Variants in DDC observed in about 807,000 individuals in gnomAD.
DDC encodes the protein aromatic-L-amino-acid decarboxylase.
Under a neutral mutation model 60.0 loss-of-function variants are expected in DDC, and 43 were observed. The observed-to-expected ratio is 0.72, with a 90% CI of 0.56 to 0.92. DDC has a LOEUF of 0.92. DDC is among the 40% of genes least tolerant of loss of function. DDC has a pLI of 0.00. For missense variants in DDC, 573 were observed against 620.2 expected (o/e 0.92, Z 0.81); for synonymous variants, 232 against 234.6 (o/e 0.99, Z 0.10).
In DDC at chr7:50,479,704, C is replaced by T. The variant is rs536353640; in HGVS notation, c.1021+83G>A. On this transcript the variant is annotated intron_variant, in intron 10 of 14. Coordinates refer to ENST00000444124, the MANE Select transcript of DDC (RefSeq NM_001082971.2). ...AGCCTCCTTGGATATGGATGGTCTTCCCCTAACTCCCAGGGACCTCCAGGG... is the reference window on the plus strand; with the variant it reads ...AGCCTCCTTGGATATGGATGGTCTTTCCCTAACTCCCAGGGACCTCCAGGG... 55 of 1,174,228 alleles carry T rather than the reference C, an allele frequency of 4.7e-5. No individual in the cohort carries two copies. The African/African-American group carries it at 6.6e-4, about 14-fold the overall frequency. The allele number at this position is 1,174,228 out of a possible 1,614,324, so 72.7% of individuals were successfully genotyped here.
intron 1 of DDC, among the ~76,000 whole-genome samples, chr7:50,548,808 A>G (rs1293223676): frequency 6.6e-6 from 1 of 152,262 alleles, no homozygotes. Flanking sequence ...TGGAACAAGA[A>G]GCCCTCTAGG....
At chr7:50,465,127 C>G (rs2042366461) in intron 13 of DDC, among the ~76,000 whole-genome samples, 1 of 152,088 alleles carries the variant, frequency 6.6e-6, no homozygotes, top group African/African-American at 2.4e-5. Context: ...AAAATAAAAG[C>G]CATAACCTTG....
chr7:50,558,270 G>C (rs1319739554), intron 1 of DDC, among the ~76,000 whole-genome samples: 1 of 152,046 alleles, frequency 6.6e-6, no homozygotes, highest in East Asian at 1.9e-4. Flanking sequence ...ACATGTCCTG[G>C]TTTACCGTCT....
At chr7:50,495,290 C>A (rs1486681949) in intron 9 of DDC, 60 bp downstream of exon 9, 1 of 1,336,164 alleles carries the variant, frequency 7.5e-7, no homozygotes, top group South Asian at 1.2e-5. Flanking sequence ...ATCTTCCCTG[C>A]CAGCTTCTTT....
At chr7:50,524,615 A>G (rs12538938) in intron 6 of DDC, among the ~76,000 whole-genome samples, 66,026 of 152,024 alleles carry the variant, frequency 0.43, 15,162 homozygotes, top group Non-Finnish European at 0.52. Context: ...GACCATGATA[A>G]CATATTAATG....
intron 1 of DDC, among the ~76,000 whole-genome samples, chr7:50,563,474 A>G (rs1170044829): frequency 2.0e-5 from 3 of 152,216 alleles, no homozygotes; most frequent in Non-Finnish European, 4.4e-5. Flanking sequence ...TATAATTGGT[A>G]AAGATGGTGG....
intron 8 of DDC, among the ~76,000 whole-genome samples, chr7:50,495,799 T>A (rs1432647929): frequency 6.6e-6 from 1 of 152,262 alleles, no homozygotes; most frequent in Non-Finnish European, 1.5e-5. Context: ...ATCCATATTA[T>A]ATTTTAAATT....
chr7:50,534,947 G>A (rs1164893565), intron 4 of DDC, among the ~76,000 whole-genome samples: 1 of 152,116 alleles, frequency 6.6e-6, no homozygotes, highest in African/African-American at 2.4e-5. Flanking sequence ...CTCGCTGGAA[G>A]GGCACCTGTG....
intron 10 of DDC, among the ~76,000 whole-genome samples, chr7:50,477,396 G>A (rs1235999369): frequency 1.3e-5 from 2 of 152,214 alleles, no homozygotes; most frequent in Admixed American, 6.5e-5. Context: ...AGGGAGTCTT[G>A]TGCTCTGGGA....
At chr7:50,463,738 T>C (rs1170262009) in intron 13 of DDC, among the ~76,000 whole-genome samples, 2 of 152,134 alleles carry the variant, frequency 1.3e-5, no homozygotes, top group African/African-American at 4.8e-5. Context: ...TCTACAAATA[T>C]ATGAGCTTAA....
intron 1 of DDC, among the ~76,000 whole-genome samples, chr7:50,548,483 G>T (rs1019041512): frequency 2.0e-5 from 3 of 152,176 alleles, no homozygotes; most frequent in Non-Finnish European, 4.4e-5. Context: ...TATTTTAATG[G>T]TCTGAATTGA....
chr7:50,511,882 A>G lies in DDC; in HGVS notation c.715-7823T>C, dbSNP rs2153542230. On this transcript the variant is annotated intron_variant, in intron 6 of 14. Transcript: ENST00000444124. ...ATAAGAGCAGCAAATAGGAAAAGGT[A>G]ATAAATATTGTAGATATTTATCCAA... Among the ~76,000 whole-genome samples, 2 of 152,272 alleles carry G rather than the reference A, an allele frequency of 1.3e-5. 1 individual carries two copies. Among genetic ancestry groups the G allele is most frequent in the South Asian group, 4.1e-4 (2 of 4,826 alleles).
intron 4 of DDC, among the ~76,000 whole-genome samples, chr7:50,532,294 C>T (rs1436735264): frequency 6.6e-6 from 1 of 152,320 alleles, no homozygotes; most frequent in East Asian, 1.9e-4. Flanking sequence ...GGATTGGGCT[C>T]ACAGGAAGAT....
At chr7:50,474,743 A>G (rs1339676826) in intron 11 of DDC, among the ~76,000 whole-genome samples, 1 of 152,228 alleles carries the variant, frequency 6.6e-6, no homozygotes, top group African/African-American at 2.4e-5. Flanking sequence ...GTTAGTCAAT[A>G]CGGAGTTTTT....
chr7:50,535,767 G>C (rs1440230486), intron 4 of DDC, among the ~76,000 whole-genome samples: 1 of 152,206 alleles, frequency 6.6e-6, no homozygotes, highest in Non-Finnish European at 1.5e-5. Flanking sequence ...TCAGGTCTTG[G>C]TCCCCAGAAT....
chr7:50,469,958 G>A, intron 12 of DDC, 115 bp downstream of exon 12: 1 of 707,574 alleles, frequency 1.4e-6, no homozygotes. Flanking sequence ...CAGCCTGGGG[G>A]ACAAGAGTGA....
In DDC at chr7:50,510,166, G is replaced by A. The variant is rs896117403; in HGVS notation, c.715-6107C>T. Among the ~76,000 whole-genome samples, 4 of 152,028 alleles carry A rather than the reference G, an allele frequency of 2.6e-5. No homozygotes were observed. In the East Asian group the frequency reaches 7.8e-4, roughly 30 times the overall value. ...TTGTTTTTGTATTTTCAGTAGAGAAGGGGTTTCACCGTGTTAGCCAGGATG... is the reference window on the plus strand; with the variant it reads ...TTGTTTTTGTATTTTCAGTAGAGAAAGGGTTTCACCGTGTTAGCCAGGATG... On this transcript the variant is annotated intron_variant, in intron 6 of 14. Transcript: ENST00000444124.
chr7:50,505,167 C>A (rs2043357053), intron 6 of DDC, among the ~76,000 whole-genome samples: 1 of 152,210 alleles, frequency 6.6e-6, no homozygotes, highest in African/African-American at 2.4e-5. Context: ...TCTGTCTCTC[C>A]CTCCAGACCC....
intron 1 of DDC, chr7:50,563,864 A>C (rs1416417976): frequency 1.3e-5 from 2 of 152,164 alleles, no homozygotes; most frequent in African/African-American, 4.8e-5. Context: ...AGCCTCCCCA[A>C]ATGCTGGGAT....
Sources: gnomAD v4.1 joint callset for allele counts (sites outside exome capture counted in the v4.1 genomes callset) on GRCh38, gnomAD v4.1.1 for gene constraint, MANE v1.5 for transcripts, NCBI Gene and HGNC (gene_info 2026-07-23, HGNC 2026-07-21) for gene names.